Variants in CCT3 observed in about 807,000 individuals in gnomAD.
CCT3 encodes chaperonin containing TCP1 subunit 3, also known as T-complex protein 1 subunit gamma.
CCT3 carries 10 observed loss-of-function variants against 65.3 expected under a neutral mutation model. The observed-to-expected ratio is 0.15, with a 90% CI of 0.09 to 0.26. The LOEUF is 0.26. Ranked by LOEUF, CCT3 falls within the 10% of genes least tolerant of loss-of-function variation. The pLI is 1.00. For synonymous variants in CCT3, 225 were observed against 242.3 expected (o/e 0.93, Z 0.66); for missense variants, 626 against 708.7 (o/e 0.88, Z 1.33).
chr1:156,331,072 A>G (rs1474819377), intron 5 of CCT3, among the ~76,000 whole-genome samples: 1 of 151,934 alleles, frequency 6.6e-6, no homozygotes, highest in East Asian at 1.9e-4. Flanking sequence ...TCACTATTAA[A>G]AATATAAAAA....
At chr1:156,327,769 C>T (rs1179998747) in intron 5 of CCT3, among the ~76,000 whole-genome samples, 2 of 149,214 alleles carry the variant, frequency 1.3e-5, no homozygotes, top group Non-Finnish European at 3.0e-5. Flanking sequence ...ATGTGAGGAG[C>T]CCCTCTGCCT....
At chr1:156,331,961 G>C (rs1215957091) in intron 5 of CCT3, among the ~76,000 whole-genome samples, 2 of 152,154 alleles carry the variant, frequency 1.3e-5, no homozygotes, top group African/African-American at 2.4e-5. Context: ...GAACCCGAGA[G>C]GGGGAGGTTG....
At position 156,315,567 on chromosome 1, in the gene CCT3, A is replaced by G. The variant is rs1305936534; in HGVS notation, c.974+1599T>C. On this transcript the variant is annotated intron_variant, in intron 10 of 13. Transcript: ENST00000295688. Reference sequence around the variant, plus strand: ...TACTTTATTTAAGGGAATACAGTATATAACACATATGATATACAAAATATG... The same window carrying G: ...TACTTTATTTAAGGGAATACAGTATGTAACACATATGATATACAAAATATG... Among the ~76,000 whole-genome samples, 6 of 152,226 alleles carry G rather than the reference A, an allele frequency of 3.9e-5. No individual in the cohort carries two copies. In the East Asian group the frequency reaches 1.2e-3, roughly 29 times the overall value.
intron 6 of CCT3, among the ~76,000 whole-genome samples, chr1:156,322,910 A>C (rs915373654): frequency 9.2e-5 from 14 of 152,182 alleles, no homozygotes; most frequent in Non-Finnish European, 1.9e-4. Flanking sequence ...ACCTTTGGGT[A>C]CCTCTACATT....
At chr1:156,315,126 A>G (rs1320251192) in intron 10 of CCT3, among the ~76,000 whole-genome samples, 1 of 152,156 alleles carries the variant, frequency 6.6e-6, no homozygotes, top group East Asian at 1.9e-4. Context: ...CTTCCTCCAC[A>G]GCCTATTCAA....
chr1:156,332,050 T>C (rs1278060662), intron 5 of CCT3, among the ~76,000 whole-genome samples: 1 of 144,454 alleles, frequency 6.9e-6, no homozygotes, highest in African/African-American at 2.5e-5. Flanking sequence ...AAAAGAGACA[T>C]GGTCTTGCTT....
chr1:156,335,866 G>T lies in CCT3; in HGVS notation c.54C>A (p.Ser18=). ...TGTTTCCAGATTGAACTTTTCTTCC[G>T]GATTCACGCTTTGTGTTCTGGCCTA... The part of the protein sequence containing the change: ...LVLSQNTKRE[S]GRKVQSGNIN... The change falls in exon 2 of 14, where the codon TCC becomes TCA. Residue 18 remains serine, a synonymous_variant. Transcript: ENST00000295688. 1 of 1,614,020 alleles carries T rather than the reference G, an allele frequency of 6.2e-7. No individual in the cohort carries two copies. Among genetic ancestry groups the T allele is most frequent in the African/African-American group, 1.3e-5 (1 of 75,034 alleles).
chr1:156,331,511 T>C (rs1160290678), intron 5 of CCT3, among the ~76,000 whole-genome samples: 3 of 151,676 alleles, frequency 2.0e-5, no homozygotes, highest in African/African-American at 4.8e-5. Context: ...GGTGAAACCC[T>C]GTCTCTACTA....
rs2101639491 is a variant in CCT3 at position 156,317,262 on chromosome 1, G to A, written c.893-15C>T. ...CTGAGCTAAATCTACAAATCCAAGA[G>A]TAGAGATGTCAAGCTGGGTTCTGAA... On this transcript the variant is annotated splice_polypyrimidine_tract_variant and intron_variant, in intron 9 of 13. Coordinates refer to ENST00000295688, the MANE Select transcript of CCT3 (RefSeq NM_005998.5). 6.2e-7 allele frequency: 1 copy of A among 1,613,162 alleles called. No individual in the cohort carries two copies. Among genetic ancestry groups the A allele is most frequent in the Non-Finnish European group, 8.5e-7 (1 of 1,179,110 alleles).
chr1:156,328,105 C>T (rs1450754628), intron 5 of CCT3, among the ~76,000 whole-genome samples: 2 of 142,188 alleles, frequency 1.4e-5, no homozygotes, highest in African/African-American at 2.6e-5. Flanking sequence ...CCAGCCGCCC[C>T]GTCCGGGAGG....
At chr1:156,323,161 C>G (rs1260132648) in intron 6 of CCT3, among the ~76,000 whole-genome samples, 3 of 151,804 alleles carry the variant, frequency 2.0e-5, no homozygotes, top group Admixed American at 6.6e-5. Context: ...ACAAAATTAG[C>G]CGGATGTGGA....
chr1:156,319,934 T>C (rs563875103), intron 7 of CCT3, among the ~76,000 whole-genome samples: 2 of 152,296 alleles, frequency 1.3e-5, no homozygotes, highest in East Asian at 1.9e-4. Context: ...AAATGACTGA[T>C]GTATGCAAAT....
chr1:156,332,792 G>C (rs1323446072), intron 5 of CCT3: 2 of 152,228 alleles, frequency 1.3e-5, no homozygotes, highest in African/African-American at 2.4e-5. Flanking sequence ...AAATACGTTA[G>C]GTGAGCTTTG....
chr1:156,320,966 G>T lies in CCT3; in HGVS notation c.482C>A (p.Thr161Asn). 1 of 1,614,108 alleles carries T rather than the reference G, an allele frequency of 6.2e-7. No homozygotes were observed. Among genetic ancestry groups the T allele is most frequent in the Non-Finnish European group, 8.5e-7 (1 of 1,179,968 alleles). The change falls in exon 7 of 14, where the codon ACT becomes AAT. Residue 161 changes from threonine to asparagine, a missense_variant. Coordinates refer to ENST00000295688, the MANE Select transcript of CCT3 (RefSeq NM_005998.5). ...TGACCACCGACTGATGGCTTTGGTAGTAATAGAGCTGTTGATGATGTTCAG... is the reference window on the plus strand; with the variant it reads ...TGACCACCGACTGATGGCTTTGGTATTAATAGAGCTGTTGATGATGTTCAG... ...MMLNIINSSI[T>N]TKAISRWSSL...
At chr1:156,325,241 T>C (rs368599989) in intron 5 of CCT3, 152 bp from the exon 6 acceptor site, 7 of 629,410 alleles carry the variant, frequency 1.1e-5, no homozygotes, top group Admixed American at 7.6e-5. Context: ...TTCTACACAT[T>C]GTATAAGACG....
chr1:156,316,033 G>C (rs978537752), intron 10 of CCT3, among the ~76,000 whole-genome samples: 1 of 141,666 alleles, frequency 7.1e-6, no homozygotes, highest in African/African-American at 2.5e-5. Context: ...GAATAAACAT[G>C]TAAGTAGAGT....
At chr1:156,327,498 G>A (rs1252863104) in intron 5 of CCT3, among the ~76,000 whole-genome samples, 2 of 152,156 alleles carry the variant, frequency 1.3e-5, no homozygotes, top group Non-Finnish European at 2.9e-5. Flanking sequence ...TCGCTGTGTT[G>A]GCCGGGCTGG....
At chr1:156,330,899 G>A (rs888257334) in intron 5 of CCT3, among the ~76,000 whole-genome samples, 1 of 151,722 alleles carries the variant, frequency 6.6e-6, no homozygotes, top group Non-Finnish European at 1.5e-5. Flanking sequence ...GGGCGACTCT[G>A]TCTCAAAGAT....
chr1:156,336,617 C>G (rs1404871604), intron 1 of CCT3, among the ~76,000 whole-genome samples: 1 of 152,204 alleles, frequency 6.6e-6, no homozygotes, highest in Admixed American at 6.5e-5. Flanking sequence ...TCACAGCCAA[C>G]TAATGCCAGA....
Sources: gnomAD v4.1 joint callset for allele counts (sites outside exome capture counted in the v4.1 genomes callset) on GRCh38, gnomAD v4.1.1 for gene constraint, MANE v1.5 for transcripts, NCBI Gene and HGNC (gene_info 2026-07-23, HGNC 2026-07-21) for gene names.